PARP12: variants seen among roughly 807,000 people sequenced by gnomAD.
The protein encoded by PARP12 is poly(ADP-ribose) polymerase family member 12, also known as protein mono-ADP-ribosyltransferase PARP12.
PARP12 carries 59 observed loss-of-function variants against 72.4 expected under a neutral mutation model. The observed-to-expected ratio is 0.81, with a 90% confidence interval of 0.66 to 1.01. The LOEUF (loss-of-function observed/expected upper bound fraction) is 1.01, where lower values mean the gene tolerates loss of function less well. Among genes scored for constraint, PARP12 ranks in the 50% least tolerant of loss-of-function variants. The pLI is 0.00. For synonymous variants in PARP12, 403 were observed against 371.4 expected, an observed-to-expected ratio of 1.09 and a Z score of -0.98; for missense variants, 851 against 914.0, an observed-to-expected ratio of 0.93 and a Z score of 0.89.
chr7:140,026,294 C>G lies in PARP12; in HGVS notation c.1683G>C (p.Gln561His). ...QNGGKAVDER[Q>H]LFHGTSAIFV... ...AAATGGCGCTGGTGCCGTGGAACAG[C>G]TGCCGCTCGTCCACGGCCTTCCCTC... The change falls in exon 11 of 12, where the codon CAG becomes CAC. Residue 561 changes from glutamine (Q) to histidine (H), a missense_variant. By Grantham distance (24) the Gln-to-His change is conservative. Around this residue, in one of 3 missense-constraint regions of PARP12, gnomAD observed 347 missense variants for 396.1 expected, o/e 0.88. Coordinates refer to ENST00000263549, the MANE Select transcript of PARP12 (RefSeq NM_022750.4). The G allele has an allele frequency of 1.9e-6, 3 of 1,613,474 alleles. No individual in the cohort carries two copies. The highest frequency in any genetic ancestry group is 1.7e-6 in the Non-Finnish European group (2 of 1,180,030).
rs149334393 is a variant in PARP12, at chr7:140,057,967, C to T, written c.394G>A (p.Val132Ile). ...HNLSVLRTHG[V>I]DHLSYNELCQ... is the part of the protein sequence containing the mutation. ...AGCTCATTATAGCTCAGGTGGTCAA[C>T]GCCATGAGTTCTCAGCACACTCAGG... The change falls in exon 2 of 12, where the codon GTT becomes ATT. Residue 132 changes from valine to isoleucine, a missense_variant. By Grantham distance (29) the Val-to-Ile change is conservative (BLOSUM62 3). Around this residue, in one of 3 missense-constraint regions of PARP12, gnomAD observed 492 missense variants for 489.3 expected, o/e 1.01. Coordinates refer to ENST00000263549, the MANE Select transcript of PARP12 (RefSeq NM_022750.4). 86 of 1,614,096 alleles carry T rather than the reference C, an allele frequency of 5.3e-5. No homozygotes were observed. Among genetic ancestry groups the T allele is most frequent in the Admixed American group, 2.2e-4 (13 of 60,006 alleles).
At chr7:140,038,374 A>G in intron 6 of PARP12, 1 of 880,124 alleles carries the variant, frequency 1.1e-6, no homozygotes, top group Non-Finnish European at 1.4e-6. Context: ...ACAATTACCT[A>G]CAGGAAATCT....
intron 11 of PARP12, 72 bp downstream of exon 11, chr7:140,026,125 C>T: frequency 6.2e-7 from 1 of 1,610,930 alleles, no homozygotes; most frequent in Non-Finnish European, 8.5e-7. Flanking sequence ...CCCCTCATGC[C>T]CTCTAGCAGT....
In PARP12 at chr7:140,029,174, TTGAC is replaced by T. The variant is rs145092434; in HGVS notation, c.1422-490_1422-487del. On this transcript the variant is annotated intron_variant, in intron 8 of 11. Transcript: ENST00000263549. ...TCAAAAGTCATTTGGCAGTAGAAATTTGACTGAAGTTAGTAAGAGGCCACTGTGA... is the reference window on the plus strand; with the variant it reads ...TCAAAAGTCATTTGGCAGTAGAAATTTGAAGTTAGTAAGAGGCCACTGTGA... 6.7e-3 allele frequency: 1,034 copies of T among 153,510 alleles called. 12 individuals are homozygous for T. The highest frequency in any genetic ancestry group is 0.01 in the Non-Finnish European group (693 of 68,944). 9.5% of individuals were successfully genotyped at this position (153,510 alleles called of 1,614,324 possible). A position where few individuals can be genotyped will look rare whatever the true frequency, so the allele number is the denominator to read the frequency against.
chr7:140,056,834 T>C lies in PARP12; in HGVS notation c.760+22A>G, dbSNP rs199817885. On this transcript the variant is annotated intron_variant, in intron 3 of 11. Coordinates refer to ENST00000263549, the MANE Select transcript of PARP12 (RefSeq NM_022750.4). ...GACCTCCCGTGCTCCCCACCAGCCT[T>C]ACCACTCCCCACCAGCCTTACCAGA... 2.5e-6 allele frequency: 4 copies of C among 1,574,936 alleles called. No individual in the cohort carries two copies. In the Admixed American group the frequency reaches 7.3e-5, roughly 29 times the overall value.
chr7:140,054,762 T>G lies in PARP12; in HGVS notation c.762A>C (p.Glu254Asp). The change falls in exon 4 of 12, where the codon GAA (glutamate) becomes GAC (aspartate). Residue 254 changes from glutamate to aspartate, a missense_variant and splice_region_variant. By Grantham distance (45) the Glu-to-Asp change is conservative. Coordinates refer to ENST00000263549, the MANE Select transcript of PARP12 (RefSeq NM_022750.4). ...ACACAGAACCTGAACTGTCTTTTCTTTCTGCAAAGAAACACCACAAAGATA... is the reference window on the plus strand; with the variant it reads ...ACACAGAACCTGAACTGTCTTTTCTGTCTGCAAAGAAACACCACAAAGATA... ...PPLFVPQGTS[E>D]RKDSSGSVSP... 1 of 1,608,886 alleles carries G rather than the reference T, an allele frequency of 6.2e-7. No homozygotes were observed. Among genetic ancestry groups the G allele is most frequent in the Non-Finnish European group, 8.5e-7 (1 of 1,175,160 alleles).
rs1039601856 is a variant in PARP12 at position 140,024,104 on chromosome 7, C to A, written c.*456G>T. On this transcript the variant is annotated 3_prime_UTR_variant, in exon 12 of 12. Transcript: ENST00000263549. The stretch of plus-strand genomic sequence containing the variant: ...GCTGCCTGGGTTGGTGTCAGAGCAA[C>A]AGGCAGAAGTGACTGTGCCGCCCGT... 3.8e-6 allele frequency: 1 copy of A among 265,146 alleles called. No homozygotes were observed. Among genetic ancestry groups the A allele is most frequent in the African/African-American group, 2.3e-5 (1 of 44,320 alleles). The allele number at this position is 265,146 out of a possible 1,614,324, so 16.4% of individuals were successfully genotyped here. A position where few individuals can be genotyped will look rare whatever the true frequency, so the allele number is the denominator to read the frequency against.
chr7:140,034,366 T>C (rs1187088341), intron 7 of PARP12, 35 bp from the exon 8 acceptor site: 4 of 1,488,052 alleles, frequency 2.7e-6, no homozygotes, highest in Non-Finnish European at 3.7e-6. Flanking sequence ...AAAATATACA[T>C]ATACATATAC....
intron 4 of PARP12, among the ~76,000 whole-genome samples, chr7:140,047,846 C>A (rs904695138): frequency 6.6e-6 from 1 of 152,122 alleles, no homozygotes; most frequent in Non-Finnish European, 1.5e-5. Context: ...GAACTTCTGG[C>A]CTCAAGTGAT....
At chr7:140,027,568 G>A in intron 9 of PARP12, 162 bp from the exon 10 acceptor site, 1 of 746,788 alleles carries the variant, frequency 1.3e-6, no homozygotes, top group Non-Finnish European at 2.1e-6. Flanking sequence ...GAGACAATCG[G>A]TCCTCATGAA....
At chr7:140,058,461 C>T (rs1423910931) in intron 1 of PARP12, among the ~76,000 whole-genome samples, 1 of 150,978 alleles carries the variant, frequency 6.6e-6, no homozygotes, top group Non-Finnish European at 1.5e-5. Context: ...CAGTGAGCCA[C>T]TGCACTCCAG....
chr7:140,060,538 G>C lies in PARP12; in HGVS notation c.326+1984C>G, dbSNP rs549973412. ...AAACTGAAGAAAGAAGAAAACTCAA[G>C]GTCATCTGAGCCAGTAAATATCACA... On this transcript the variant is annotated intron_variant, in intron 1 of 11. Transcript: ENST00000263549. Among the ~76,000 whole-genome samples, 33 of 152,296 alleles carry C rather than the reference G, an allele frequency of 2.2e-4. 2 individuals are homozygous for C. The South Asian group carries it at 6.6e-3, about 31-fold the overall frequency.
rs754407998 is a variant in PARP12, at chr7:140,024,871, G to A, written c.1795C>T (p.Arg599Ter). Residue 599 changes from arginine (R) to a stop codon, truncating the protein, a stop_gained, in exon 12 of 12, where the codon CGA becomes TGA. Transcript: ENST00000263549. LOFTEE classifies it low-confidence loss of function (END_TRUNC). ...TAGTGGTGGGAATATGCAGCATCTCGGGCAAAGTAGCTCCCTGAAATGACA... is the reference window on the plus strand; with the variant it reads ...TAGTGGTGGGAATATGCAGCATCTCAGGCAAAGTAGCTCCCTGAAATGACA... ...TSYGKGSYFA[R>*]DAAYSHHYSK... is the part of the protein sequence containing the mutation. 15 of 1,612,858 alleles carry A rather than the reference G, an allele frequency of 9.3e-6. No individual in the cohort carries two copies. The highest frequency in any genetic ancestry group is 1.3e-5 in the African/African-American group (1 of 74,902).
In PARP12 at chr7:140,024,600, A is replaced by T. The variant is rs138516310; in HGVS notation, c.2066T>A (p.Ile689Asn). The change falls in exon 12 of 12, where the codon ATC becomes AAC. Residue 689 changes from isoleucine to asparagine, a missense_variant. Coordinates refer to ENST00000263549, the MANE Select transcript of PARP12 (RefSeq NM_022750.4). ...TSSKPSVTPS[I>N]LLALGSLFSS... ...GAACAGGGAGCCCAAGGCCAGCAGG[A>T]TGGAGGGTGTGACCGAGGGCTTGGA... 6.2e-7 allele frequency: 1 copy of T among 1,614,038 alleles called. No homozygotes were observed. Among genetic ancestry groups the T allele is most frequent in the Non-Finnish European group, 8.5e-7 (1 of 1,180,036 alleles).
intron 5 of PARP12, among the ~76,000 whole-genome samples, chr7:140,044,103 T>C (rs1816611992): frequency 6.6e-6 from 1 of 152,116 alleles, no homozygotes; most frequent in Admixed American, 6.5e-5. Flanking sequence ...ATGAGTAGCA[T>C]AAATTTTTTT....
rs1469443302 is a variant in PARP12 at position 140,027,324 on chromosome 7, T to C, written c.1580A>G (p.Gln527Arg). 13 of 1,613,928 alleles carry C rather than the reference T, an allele frequency of 8.1e-6. No homozygotes were observed. The highest frequency in any genetic ancestry group is 1.3e-5 in the African/African-American group (1 of 74,900). The change falls in exon 10 of 12, where the codon CAG (glutamine) becomes CGG (arginine). Residue 527 changes from glutamine to arginine, a missense_variant. Around this residue, in one of 3 missense-constraint regions of PARP12, gnomAD observed 347 missense variants for 396.1 expected, o/e 0.88. Transcript: ENST00000263549. ...FNRTLPFYFVQKIERVQNLAL... is the reference protein window; with the variant it reads ...FNRTLPFYFVRKIERVQNLAL... Reference sequence around the variant, plus strand: ...CAGGTTCTGTACTCGCTCAATCTTCTGAACAAAGTAGAAAGGCAGCGTGCG... The same window carrying C: ...CAGGTTCTGTACTCGCTCAATCTTCCGAACAAAGTAGAAAGGCAGCGTGCG...
At chr7:140,059,277 G>A (rs117675354) in intron 1 of PARP12, among the ~76,000 whole-genome samples, 3 of 152,184 alleles carry the variant, frequency 2.0e-5, no homozygotes, top group Admixed American at 6.5e-5. Context: ...GCAGTCAGTC[G>A]GTAAGCAGTT....
intron 1 of PARP12, among the ~76,000 whole-genome samples, chr7:140,062,252 G>A (rs1435337843): frequency 7.5e-6 from 1 of 133,100 alleles, no homozygotes; most frequent in Non-Finnish European, 1.6e-5. Context: ...GGCCACACCC[G>A]GGTGTTCCAC....
chr7:140,024,958 G>A (rs914160118), intron 11 of PARP12, 73 bp from the exon 12 acceptor site: 20 of 1,417,234 alleles, frequency 1.4e-5, no homozygotes, highest in Middle Eastern at 2.0e-4. Context: ...TGCGAATAGC[G>A]TCCTGGTGAT....
Sources: allele counts gnomAD v4.1 joint callset (sites outside exome capture counted in the v4.1 genomes callset), GRCh38; gene constraint gnomAD v4.1.1; regional missense constraint gnomAD v4.1.1; transcripts MANE v1.5; gene names NCBI Gene and HGNC (gene_info 2026-07-23, HGNC 2026-07-21).